Variants in ZNF148 observed in about 807,000 individuals in gnomAD.
ZNF148 encodes zinc finger protein 148.
A neutral mutation model predicts 67.7 loss-of-function variants in ZNF148; 7 were observed. The observed-to-expected ratio is 0.10, with a 90% CI of 0.06 to 0.19. ZNF148 has a LOEUF of 0.19. Among genes scored for constraint, ZNF148 ranks in the 10% least tolerant of loss-of-function variants. The pLI is 1.00. For synonymous variants in ZNF148, 333 were observed against 330.7 expected (o/e 1.01, Z -0.08); for missense variants, 583 against 947.1 (o/e 0.62, Z 5.05).
intron 7 of ZNF148, among the ~76,000 whole-genome samples, chr3:125,261,029 T>TG (rs2107572288): frequency 1.3e-5 from 2 of 152,252 alleles, no homozygotes; most frequent in East Asian, 3.9e-4. Context: ...GGGGAAGTGT[T>TG]GGAGGTTTAT....
chr3:125,252,416 A>G (rs1455882699), intron 7 of ZNF148, among the ~76,000 whole-genome samples: 1 of 152,144 alleles, frequency 6.6e-6, no homozygotes, highest in African/African-American at 2.4e-5. Context: ...TCATCCAGAA[A>G]TGATTTTTGT....
chr3:125,243,021 T>C (rs1225613320), intron 7 of ZNF148, among the ~76,000 whole-genome samples: 3 of 152,254 alleles, frequency 2.0e-5, no homozygotes, highest in Non-Finnish European at 4.4e-5. Context: ...ATTTCAGAAT[T>C]AGCTTATCTA....
chr3:125,279,425 C>T (rs192854790), intron 5 of ZNF148, among the ~76,000 whole-genome samples, 178 bp from the exon 6 acceptor site: 36 of 152,064 alleles, frequency 2.4e-4, no homozygotes, highest in African/African-American at 7.7e-4. Context: ...TAGGAAAGTA[C>T]AATGTGACTC....
chr3:125,284,975 T>C (rs756172602), intron 5 of ZNF148, among the ~76,000 whole-genome samples: 6 of 151,218 alleles, frequency 4.0e-5, no homozygotes, highest in Non-Finnish European at 8.8e-5. Context: ...CAATTATTGC[T>C]TAAAATCCAT....
intron 1 of ZNF148, among the ~76,000 whole-genome samples, chr3:125,341,049 A>G (rs1011132998): frequency 6.6e-6 from 1 of 151,288 alleles, no homozygotes; most frequent in Non-Finnish European, 1.5e-5. Context: ...TAAGAAAATC[A>G]TACCATAAAT....
At chr3:125,351,260 T>C (rs557336111) in intron 1 of ZNF148, among the ~76,000 whole-genome samples, 1 of 152,072 alleles carries the variant, frequency 6.6e-6, no homozygotes, top group African/African-American at 2.4e-5. Context: ...CAGGTGCCTG[T>C]AGTCCTAGCT....
intron 8 of ZNF148, 24 bp downstream of exon 8, chr3:125,234,187 A>G: frequency 1.4e-6 from 2 of 1,461,108 alleles, no homozygotes; most frequent in Non-Finnish European, 1.9e-6. Context: ...TTACAGTAGA[A>G]GAATTTCAAG....
intron 7 of ZNF148, among the ~76,000 whole-genome samples, chr3:125,267,045 T>A (rs2107584785): frequency 1.6e-5 from 2 of 125,884 alleles, no homozygotes; most frequent in Admixed American, 8.2e-5. Context: ...CAAAATTAAA[T>A]CACTAATAAA....
intron 3 of ZNF148, among the ~76,000 whole-genome samples, chr3:125,316,235 T>A (rs1465680733): frequency 3.3e-5 from 5 of 152,220 alleles, no homozygotes; most frequent in African/African-American, 4.8e-5. Context: ...ATTTTCTTTA[T>A]CCACTCATCT....
At chr3:125,348,256 C>A (rs1486844260) in intron 1 of ZNF148, among the ~76,000 whole-genome samples, 2 of 151,376 alleles carry the variant, frequency 1.3e-5, no homozygotes. Context: ...AAGACCTTGT[C>A]TCCAAGAAAA....
At chr3:125,252,891 T>G (rs1936907312) in intron 7 of ZNF148, among the ~76,000 whole-genome samples, 1 of 152,142 alleles carries the variant, frequency 6.6e-6, no homozygotes, top group South Asian at 2.1e-4. Context: ...GCAACTGATC[T>G]CTGTTTCTCC....
intron 1 of ZNF148, among the ~76,000 whole-genome samples, chr3:125,374,041 T>A (rs1289057296): frequency 6.6e-6 from 1 of 152,190 alleles, no homozygotes. Flanking sequence ...GGGTAAGTGT[T>A]AATACTTCAA....
chr3:125,299,335 TA>T (rs1463140660), intron 4 of ZNF148, among the ~76,000 whole-genome samples: 2 of 152,076 alleles, frequency 1.3e-5, no homozygotes, highest in African/African-American at 4.8e-5. Context: ...CAGACAGAAC[TA>T]TATTAAGAGT....
chr3:125,301,824 G>A (rs1326305738), intron 4 of ZNF148, among the ~76,000 whole-genome samples: 1 of 152,124 alleles, frequency 6.6e-6, no homozygotes, highest in Non-Finnish European at 1.5e-5. Flanking sequence ...ACCACTCTGG[G>A]AGGCCGAGGT....
intron 1 of ZNF148, among the ~76,000 whole-genome samples, chr3:125,361,086 T>C (rs1942523236): frequency 6.6e-6 from 1 of 152,012 alleles, no homozygotes; most frequent in South Asian, 2.1e-4. Context: ...ATCTAGCTAT[T>C]TTTCTCAATT....
rs141467740 is a variant in ZNF148 at position 125,352,921 on chromosome 3, T to C, written c.-233-21683A>G. Among the ~76,000 whole-genome samples the C allele has an allele frequency of 3.1e-3, 474 of 152,266 alleles. 2 individuals carry two copies. The highest frequency in any genetic ancestry group is 0.011 in the African/African-American group (458 of 41,556). On this transcript the variant is annotated intron_variant, in intron 1 of 8. Coordinates refer to ENST00000360647, the MANE Select transcript of ZNF148 (RefSeq NM_021964.3). ...ACTGGAGGGAAGGCAGACACACTTATCAATGGAAGAGAATACAGAACCCCA... is the reference window on the plus strand; with the variant it reads ...ACTGGAGGGAAGGCAGACACACTTACCAATGGAAGAGAATACAGAACCCCA...
chr3:125,275,208 C>G (rs1007130720), intron 7 of ZNF148, among the ~76,000 whole-genome samples: 1 of 152,202 alleles, frequency 6.6e-6, no homozygotes, highest in East Asian at 1.9e-4. Context: ...AATTGATTCT[C>G]TCTTCAAAAG....
chr3:125,297,165 T>C (rs1939329494), intron 4 of ZNF148, among the ~76,000 whole-genome samples: 1 of 151,960 alleles, frequency 6.6e-6, no homozygotes, highest in South Asian at 2.1e-4. Flanking sequence ...ACTAAGTTGT[T>C]CTAAAAACTG....
rs1254702576 is a variant in ZNF148, at chr3:125,368,100, AC to A, written c.-234+7001del. 2.6e-5 allele frequency among the ~76,000 whole-genome samples: 4 copies of A among 152,232 alleles called. No homozygotes were observed. The East Asian group carries it at 7.7e-4, about 29-fold the overall frequency. ...TGGTTCACTTAAATCATTTCACCAA[AC>A]CTTAGCCAATGTTCATTTCTCCATT... On this transcript the variant is annotated intron_variant, in intron 1 of 8. Coordinates refer to ENST00000360647, the MANE Select transcript of ZNF148 (RefSeq NM_021964.3).
Sources: allele counts gnomAD v4.1 joint callset (sites outside exome capture counted in the v4.1 genomes callset), GRCh38; gene constraint gnomAD v4.1.1; transcripts MANE v1.5; gene names NCBI Gene and HGNC (gene_info 2026-07-23, HGNC 2026-07-21).